The following PRKCE variants were observed in gnomAD, a reference collection of about 807,000 sequenced individuals.
PRKCE encodes the protein protein kinase C epsilon type.
A neutral mutation model predicts 85.4 loss-of-function variants in PRKCE; 16 were observed. The observed-to-expected ratio is 0.19, with a 90% CI of 0.13 to 0.28. The LOEUF (loss-of-function observed/expected upper bound fraction) is 0.28. Ranked by LOEUF, PRKCE falls within the 10% of genes least tolerant of loss-of-function variation. The pLI is 1.00. For missense variants in PRKCE, 573 were observed against 975.2 expected (o/e 0.59, Z 5.49); for synonymous variants, 388 against 371.5 (o/e 1.04, Z -0.51).
intron 1 of PRKCE, among the ~76,000 whole-genome samples, chr2:45,815,802 G>T (rs1331751504): frequency 1.3e-5 from 2 of 152,156 alleles, no homozygotes; most frequent in Non-Finnish European, 2.9e-5. Context: ...CCTCCTTTTA[G>T]AACTAGTAGA....
intron 1 of PRKCE, among the ~76,000 whole-genome samples, chr2:45,728,677 G>C (rs1372047578): frequency 1.3e-5 from 2 of 152,196 alleles, no homozygotes; most frequent in Non-Finnish European, 2.9e-5. Flanking sequence ...CAGGTTGCCT[G>C]ACTGTAAGTT....
intron 1 of PRKCE, among the ~76,000 whole-genome samples, chr2:45,702,514 T>C (rs1678730145): frequency 6.6e-6 from 1 of 152,200 alleles, no homozygotes; most frequent in Non-Finnish European, 1.5e-5. Context: ...CTTGCATGTG[T>C]TTATCCTGAG....
At chr2:46,135,746 C>CTTTGTTTTTTTTTTTTT (rs1674916366) in intron 11 of PRKCE, among the ~76,000 whole-genome samples, 1 of 20,660 alleles carries the variant, frequency 4.8e-5, no homozygotes, top group African/African-American at 2.6e-4. Flanking sequence ...ACAAATTATG[C>CTTTGTTTTTTTTTTTTT]TTTTTTTTTT....
At chr2:46,123,214 C>CTTTTTTTTTTTTTATTTTTT (rs1673502520) in intron 11 of PRKCE, among the ~76,000 whole-genome samples, 1 of 27,352 alleles carries the variant, frequency 3.7e-5, no homozygotes, top group Non-Finnish European at 6.6e-5. Context: ...AAACACTTGC[C>CTTTTTTTTTTTTTATTTTTT]TTTTTTTTTT....
At chr2:45,758,924 G>C (rs1006224318) in intron 1 of PRKCE, among the ~76,000 whole-genome samples, 2 of 152,190 alleles carry the variant, frequency 1.3e-5, no homozygotes, top group African/African-American at 4.8e-5. Flanking sequence ...GAATTTGTGG[G>C]GAGTCCGGCG....
chr2:45,822,972 G>A (rs1394548717), intron 1 of PRKCE, among the ~76,000 whole-genome samples: 1 of 152,058 alleles, frequency 6.6e-6, no homozygotes, highest in Non-Finnish European at 1.5e-5. Context: ...TTTTTTGATT[G>A]GGTTCTGTTA....
At chr2:45,898,559 C>G (rs1426169059) in intron 2 of PRKCE, among the ~76,000 whole-genome samples, 1 of 152,152 alleles carries the variant, frequency 6.6e-6, no homozygotes, top group Admixed American at 6.5e-5. Flanking sequence ...TCAGATGTCC[C>G]CTGGGCTTTC....
intron 9 of PRKCE, 80 bp from the exon 10 acceptor site, chr2:46,010,264 G>C (rs921046729): frequency 1.1e-5 from 15 of 1,391,806 alleles, no homozygotes; most frequent in Non-Finnish European, 1.4e-5. Flanking sequence ...ATTCGTTTTT[G>C]AAGTATTTGG....
chr2:46,042,974 A>G (rs554798888), intron 10 of PRKCE, among the ~76,000 whole-genome samples: 28 of 152,312 alleles, frequency 1.8e-4, no homozygotes, highest in African/African-American at 6.5e-4. Context: ...AAACCCTTCT[A>G]GAATTGTGGT....
chr2:45,767,666 T>C (rs1685018022), intron 1 of PRKCE, among the ~76,000 whole-genome samples: 1 of 152,198 alleles, frequency 6.6e-6, no homozygotes, highest in African/African-American at 2.4e-5. Flanking sequence ...AGGAACGGCC[T>C]TACAAAGAAT....
intron 1 of PRKCE, among the ~76,000 whole-genome samples, chr2:45,678,680 G>A (rs1225817533): frequency 1.3e-5 from 2 of 149,382 alleles, no homozygotes; most frequent in African/African-American, 5.1e-5. Flanking sequence ...AGTTTATCAT[G>A]TAATTATCTG....
At chr2:45,707,862 G>T (rs999089407) in intron 1 of PRKCE, among the ~76,000 whole-genome samples, 1 of 152,218 alleles carries the variant, frequency 6.6e-6, no homozygotes, top group Non-Finnish European at 1.5e-5. Flanking sequence ...GTTCCCAACT[G>T]CCAAGCCAGG....
intron 2 of PRKCE, among the ~76,000 whole-genome samples, chr2:45,850,712 T>G (rs1692178341): frequency 6.6e-6 from 1 of 152,194 alleles, no homozygotes; most frequent in Non-Finnish European, 1.5e-5. Flanking sequence ...CTGTTGACAC[T>G]GGGGCTTTTA....
At position 45,750,816 on chromosome 2, in the gene PRKCE, G is replaced by A. The variant is rs1683497490; in HGVS notation, c.349-92184G>A. Reference sequence around the variant, plus strand: ...AGTATTGCATGCTTGGTAAGTGTGTGGTGGCATGATTTTGACCAGGCCCCA... The same window carrying A: ...AGTATTGCATGCTTGGTAAGTGTGTAGTGGCATGATTTTGACCAGGCCCCA... On this transcript the variant is annotated intron_variant, in intron 1 of 14. Coordinates refer to ENST00000306156, the MANE Select transcript of PRKCE (RefSeq NM_005400.3). Among the ~76,000 whole-genome samples, 5 of 152,092 alleles carry A rather than the reference G, an allele frequency of 3.3e-5. No homozygotes were observed. The South Asian group carries it at 1.0e-3, about 32-fold the overall frequency.
chr2:45,744,907 C>T (rs2104691434), intron 1 of PRKCE, among the ~76,000 whole-genome samples: 1 of 152,310 alleles, frequency 6.6e-6, no homozygotes, highest in East Asian at 1.9e-4. Context: ...CCGCACCCAG[C>T]CATTTGCCTA....
At chr2:45,947,923 C>G (rs755506723) in intron 2 of PRKCE, among the ~76,000 whole-genome samples, 3 of 152,108 alleles carry the variant, frequency 2.0e-5, no homozygotes, top group Non-Finnish European at 1.5e-5. Context: ...TGACGAGAAA[C>G]AGGAGGAAGT....
At chr2:45,754,775 G>A (rs1028648547) in intron 1 of PRKCE, among the ~76,000 whole-genome samples, 1 of 152,180 alleles carries the variant, frequency 6.6e-6, no homozygotes, top group East Asian at 1.9e-4. Flanking sequence ...CTGGGCTGAC[G>A]TGCATTGGAA....
intron 1 of PRKCE, among the ~76,000 whole-genome samples, chr2:45,725,787 C>G (rs1027073012): frequency 6.6e-6 from 1 of 151,272 alleles, no homozygotes; most frequent in African/African-American, 2.4e-5. Context: ...ACCGAGATCA[C>G]ATCACTGTAC....
intron 1 of PRKCE, among the ~76,000 whole-genome samples, chr2:45,664,340 C>T (rs1675814275): frequency 6.6e-6 from 1 of 152,138 alleles, no homozygotes. Context: ...CTATATGTAC[C>T]AGTCTCCTCA....
Sources: allele counts gnomAD v4.1 joint callset (sites outside exome capture counted in the v4.1 genomes callset), GRCh38; gene constraint gnomAD v4.1.1; transcripts MANE v1.5; gene names NCBI Gene and HGNC (gene_info 2026-07-23, HGNC 2026-07-21).